CNIH3: variants seen among roughly 807,000 people sequenced by gnomAD.
CNIH3 encodes the protein protein cornichon homolog 3.
CNIH3 carries 14 observed loss-of-function variants against 24.1 expected under a neutral mutation model. That is an observed-to-expected ratio of 0.58 (90% CI 0.38 to 0.91). The LOEUF (loss-of-function observed/expected upper bound fraction) is 0.91. CNIH3 is among the 40% of genes least tolerant of loss of function. The pLI, the probability that CNIH3 is intolerant of heterozygous loss-of-function variation, is 0.00. For synonymous variants in CNIH3, 68 were observed against 73.8 expected (o/e 0.92, Z 0.40); for missense variants, 178 against 196.8 (o/e 0.90, Z 0.57).
Position 224,458,009 on chromosome 1 carries a change from G to T in CNIH3, n.203+23147G>T, listed in dbSNP as rs1415409547. Among the ~76,000 whole-genome samples the T allele has an allele frequency of 6.6e-6, 1 of 152,184 alleles. No homozygotes were observed. The highest frequency in any genetic ancestry group is 1.5e-5 in the Non-Finnish European group (1 of 68,040). On this transcript the variant is annotated intron_variant and non_coding_transcript_variant, in intron 1 of 5. Transcript: ENST00000471578. This position sits in a 1 kb window ranked among gnomAD's most constrained non-coding sequence, Gnocchi z 4.3. Reference sequence around the variant, plus strand: ...ATGCCAGTTAGTGCCCTTTGAAATGGTCTTAAACAGAAATAGTGTATTACT... The same window carrying T: ...ATGCCAGTTAGTGCCCTTTGAAATGTTCTTAAACAGAAATAGTGTATTACT...
chr1:224,652,201 T>C (rs1223632822), intron 1 of CNIH3, among the ~76,000 whole-genome samples: 1 of 152,098 alleles, frequency 6.6e-6, no homozygotes, highest in African/African-American at 2.4e-5. Flanking sequence ...CAGACCCTTC[T>C]TTCCTGTGTG....
At chr1:224,619,816 G>A (rs890618112) in intron 1 of CNIH3, among the ~76,000 whole-genome samples, 4 of 152,184 alleles carry the variant, frequency 2.6e-5, no homozygotes, top group African/African-American at 4.8e-5. Flanking sequence ...AACATATAGC[G>A]GTTAAAATGC....
intron 1 of CNIH3, among the ~76,000 whole-genome samples, chr1:224,675,097 G>T (rs1387058694): frequency 6.6e-6 from 1 of 152,072 alleles, no homozygotes; most frequent in African/African-American, 2.4e-5. Flanking sequence ...TACATTTTCT[G>T]TGATCACTTA....
intron 1 of CNIH3, among the ~76,000 whole-genome samples, chr1:224,507,846 T>G (rs1572382690): frequency 6.6e-6 from 1 of 152,238 alleles, no homozygotes; most frequent in Non-Finnish European, 1.5e-5. Flanking sequence ...TGCACTGTGG[T>G]GATATGAAGA....
intron 1 of CNIH3, among the ~76,000 whole-genome samples, chr1:224,647,319 T>C (rs61676104): frequency 0.42 from 64,370 of 152,072 alleles, 13,846 homozygotes; most frequent in East Asian, 0.54. Flanking sequence ...GGCTTGATAA[T>C]TAAAGGGGGC....
At chr1:224,478,307 T>C (rs1409121250) in intron 1 of CNIH3, among the ~76,000 whole-genome samples, 2 of 152,158 alleles carry the variant, frequency 1.3e-5, no homozygotes, top group East Asian at 3.8e-4. Context: ...GATTTGCCCT[T>C]TTGAGGTTAT....
chr1:224,715,497 C>T (rs561599974), intron 3 of CNIH3, among the ~76,000 whole-genome samples: 1 of 152,314 alleles, frequency 6.6e-6, no homozygotes, highest in East Asian at 1.9e-4. Context: ...GGATGTTCTA[C>T]AGGGACTTTG....
At chr1:224,452,982 T>C (rs1675486236) in intron 1 of CNIH3, among the ~76,000 whole-genome samples, 1 of 149,522 alleles carries the variant, frequency 6.7e-6, no homozygotes. Flanking sequence ...TAGCCGGTTT[T>C]GGTGGCGCAT....
intron 1 of CNIH3, among the ~76,000 whole-genome samples, chr1:224,518,129 G>T (rs1678471420): frequency 6.6e-6 from 1 of 152,164 alleles, no homozygotes; most frequent in Admixed American, 6.5e-5. Context: ...GATACCCTGG[G>T]GAGGCTTTAG....
intron 3 of CNIH3, among the ~76,000 whole-genome samples, chr1:224,692,295 C>A (rs1378932117): frequency 1.3e-5 from 2 of 152,148 alleles, no homozygotes; most frequent in East Asian, 3.8e-4. Context: ...CAGTGTAAGA[C>A]CCAGTCTCTA....
chr1:224,577,023 G>T (rs941042826), intron 4 of CNIH3, among the ~76,000 whole-genome samples: 1 of 152,186 alleles, frequency 6.6e-6, no homozygotes, highest in African/African-American at 2.4e-5. Context: ...GTAGAAGAAT[G>T]AAGCTGGCTC....
At chr1:224,578,402 C>T (rs1431813914) in intron 4 of CNIH3, among the ~76,000 whole-genome samples, 1 of 152,150 alleles carries the variant, frequency 6.6e-6, no homozygotes, top group Non-Finnish European at 1.5e-5. Context: ...TGACTTGCTC[C>T]AGGCTGGGCT....
At chr1:224,650,293 C>T (rs186912000) in intron 1 of CNIH3, among the ~76,000 whole-genome samples, 1 of 152,248 alleles carries the variant, frequency 6.6e-6, no homozygotes, top group East Asian at 1.9e-4. Flanking sequence ...AGGGCGCTCT[C>T]TGCCTAAGGA....
In CNIH3 at chr1:224,509,175, T is replaced by A. The variant is rs140143699; in HGVS notation, n.204-6566T>A. Among the ~76,000 whole-genome samples the A allele has an allele frequency of 9.2e-4, 140 of 152,180 alleles. 2 individuals carry two copies. In the East Asian group the frequency reaches 0.022, roughly 24 times the overall value. On this transcript the variant is annotated intron_variant and non_coding_transcript_variant, in intron 1 of 5. Transcript: ENST00000471578. Reference sequence around the variant, plus strand: ...CCATCTATACTAAAAATACAAAAATTAGCCTGGTGTGGTGGTACACATCTG... The same window carrying A: ...CCATCTATACTAAAAATACAAAAATAAGCCTGGTGTGGTGGTACACATCTG...
At chr1:224,475,055 GAAAAA>G (rs58756292) in intron 1 of CNIH3, among the ~76,000 whole-genome samples, 1 of 95,604 alleles carries the variant, frequency 1.0e-5, no homozygotes, top group African/African-American at 3.5e-5. Context: ...AAAAAAAAAA[GAAAAA>G]AAAAAAAGAA....
chr1:224,578,808 C>T (rs911965779), intron 4 of CNIH3, among the ~76,000 whole-genome samples: 3 of 152,184 alleles, frequency 2.0e-5, no homozygotes, highest in African/African-American at 4.8e-5. Context: ...ACTCCCTTCT[C>T]CGTCTTTCTC....
At chr1:224,573,883 T>C (rs1158050447) in intron 4 of CNIH3, among the ~76,000 whole-genome samples, 1 of 152,134 alleles carries the variant, frequency 6.6e-6, no homozygotes, top group African/African-American at 2.4e-5. Context: ...TCCTTCCATC[T>C]TTTTTTGTAA....
Position 224,617,007 on chromosome 1 carries a change from G to C in CNIH3, c.-168G>C. ...TCGCCGGAGCCTGCGGGAATCCAGC[G>C]CTTATTCGCTGACCCTCGAGTCGCT... On this transcript the variant is annotated 5_prime_UTR_variant, in exon 1 of 6. Transcript: ENST00000272133. 1 of 1,413,652 alleles carries C rather than the reference G, an allele frequency of 7.1e-7. No homozygotes were observed. The highest frequency in any genetic ancestry group is 9.2e-7 in the Non-Finnish European group (1 of 1,088,406). 87.6% of individuals were successfully genotyped at this position (1,413,652 alleles called of 1,614,324 possible).
intron 1 of CNIH3, among the ~76,000 whole-genome samples, chr1:224,677,256 G>C (rs927821215): frequency 7.9e-5 from 12 of 152,182 alleles, no homozygotes; most frequent in Admixed American, 7.9e-4. Flanking sequence ...ATACATGAGA[G>C]CTGTTATTAC....
Sources: allele counts gnomAD v4.1 joint callset (sites outside exome capture counted in the v4.1 genomes callset), GRCh38; gene constraint gnomAD v4.1.1; non-coding constraint Gnocchi (gnomAD v3.1); transcripts MANE v1.5; gene names NCBI Gene and HGNC (gene_info 2026-07-23, HGNC 2026-07-21).